The following CRTC2 variants were observed in gnomAD, a reference collection of about 807,000 sequenced individuals.
The protein encoded by CRTC2 is CREB-regulated transcription coactivator 2.
Under a neutral mutation model 70.9 loss-of-function variants are expected in CRTC2, and 25 were observed. The ratio of observed to expected loss-of-function variants is 0.35; its 90% confidence interval spans 0.26 to 0.49. CRTC2 has a LOEUF of 0.49. Among genes scored for constraint, CRTC2 ranks in the 20% least tolerant of loss-of-function variants. CRTC2 has a pLI of 0.98. For synonymous variants in CRTC2, 330 were observed against 364.1 expected, an observed-to-expected ratio of 0.91 and a Z score of 1.07; for missense variants, 737 against 882.6, an observed-to-expected ratio of 0.83 and a Z score of 2.09.
chr1:153,955,046 C>T lies in CRTC2; in HGVS notation c.255+19G>A. On this transcript the variant is annotated intron_variant, in intron 2 of 13. Coordinates refer to ENST00000368633, the MANE Select transcript of CRTC2 (RefSeq NM_181715.3). ...GCAGCCTAAGAAACTCCACTCCTCC[C>T]TGGCTGGGGTCTACTCACCTGGAAC... 6.2e-7 allele frequency: 1 copy of T among 1,613,778 alleles called. No individual in the cohort carries two copies. The highest frequency in any genetic ancestry group is 8.5e-7 in the Non-Finnish European group (1 of 1,179,650).
intron 11 of CRTC2, 51 bp from the exon 12 acceptor site, chr1:153,949,435 A>C: frequency 6.6e-7 from 1 of 1,520,246 alleles, no homozygotes; most frequent in South Asian, 1.3e-5. Context: ...ATACCCCAAG[A>C]ACTCTCAGTC....
chr1:153,954,185 A>G, intron 4 of CRTC2, 70 bp downstream of exon 4: 1 of 1,212,100 alleles, frequency 8.3e-7, no homozygotes, highest in African/African-American at 1.5e-5. Flanking sequence ...GCCCCAACCC[A>G]GAAGGGGCAA....
chr1:153,952,686 G>A (rs1420223581), intron 7 of CRTC2, 51 bp from the exon 8 acceptor site: 3 of 1,609,650 alleles, frequency 1.9e-6, no homozygotes, highest in Non-Finnish European at 2.6e-6. Flanking sequence ...AGCCAGTAAG[G>A]CAGGACAGGA....
intron 10 of CRTC2, 147 bp downstream of exon 10, chr1:153,951,871 G>A (rs1680340604): frequency 1.6e-6 from 2 of 1,220,026 alleles, no homozygotes; most frequent in South Asian, 1.4e-5. Flanking sequence ...ATCACTGGCT[G>A]AGAACTGCCG....
intron 11 of CRTC2, among the ~76,000 whole-genome samples, chr1:153,951,027 T>C (rs1297763141): frequency 2.0e-5 from 3 of 152,202 alleles, no homozygotes; most frequent in Non-Finnish European, 4.4e-5. Flanking sequence ...AGGTGACTGC[T>C]AGTAAGAGGT....
intron 1 of CRTC2, among the ~76,000 whole-genome samples, chr1:153,955,566 C>CAAA (rs767615432): frequency 8.1e-4 from 34 of 41,814 alleles, no homozygotes; most frequent in African/African-American, 1.3e-3. Context: ...GACTCTGTCT[C>CAAA]AAAAAAAAAA....
At chr1:153,958,287 C>G (rs1680745001) in intron 1 of CRTC2, 58 bp downstream of exon 1, 4 of 1,570,476 alleles carry the variant, frequency 2.5e-6, no homozygotes, top group Non-Finnish European at 3.4e-6. Context: ...CCCCGCCTCT[C>G]CGGTCTCCGC....
chr1:153,955,938 T>C (rs927413732), intron 1 of CRTC2, among the ~76,000 whole-genome samples: 3 of 152,170 alleles, frequency 2.0e-5, no homozygotes, highest in African/African-American at 7.2e-5. Flanking sequence ...CCCGGGCTAC[T>C]CACAAGGGGG....
Position 153,952,077 on chromosome 1 carries a change from G to C in CRTC2, c.938C>G (p.Thr313Ser), listed in dbSNP as rs1267752044. Reference protein sequence around the residue: ...GGNSTSNLTHTMTHLGISRGM... With the variant: ...GGNSTSNLTHSMTHLGISRGM... The stretch of plus-strand genomic sequence containing the variant: ...CCTGCTGATGCCCAGGTGAGTCATG[G>C]TGTGGGTCAAATTGGAGGTACTGTT... Residue 313 changes from threonine to serine, a missense_variant, in exon 10 of 14, where the codon ACC (threonine) becomes AGC (serine). By Grantham distance (58) the Thr-to-Ser change is moderately conservative (BLOSUM62 1). Around this residue, in one of 3 missense-constraint regions of CRTC2, gnomAD observed 699 missense variants for 823.7 expected, o/e 0.85. Transcript: ENST00000368633. The C allele has an allele frequency of 3.7e-6, 6 of 1,614,030 alleles. No individual in the cohort carries two copies. Among genetic ancestry groups the C allele is most frequent in the Non-Finnish European group, 5.1e-6 (6 of 1,180,024 alleles).
rs751188904 is a variant in CRTC2, at chr1:153,951,204, CAT to C, written c.1404+54_1404+55del. Reference sequence around the variant, plus strand: ...GGAAAGGAGGGTGGGAGGGAAACAACATGGCAGGAGAAAAGGGAAGGGAGACA... The same window carrying C: ...GGAAAGGAGGGTGGGAGGGAAACAACGGCAGGAGAAAAGGGAAGGGAGACA... On this transcript the variant is annotated intron_variant, in intron 11 of 13. Transcript: ENST00000368633. The C allele has an allele frequency of 3.2e-5, 51 of 1,577,660 alleles. No individual in the cohort carries two copies. In the Middle Eastern group the frequency reaches 5.0e-4, roughly 15 times the overall value.
intron 12 of CRTC2, 185 bp from the exon 13 acceptor site, chr1:153,948,829 C>T (rs1417901937): frequency 2.3e-5 from 18 of 768,304 alleles, no homozygotes; most frequent in South Asian, 8.8e-5. Context: ...GTATGGGCAC[C>T]GTACCTGCTG....
At chr1:153,951,826 C>T in intron 10 of CRTC2, 160 bp from the exon 11 acceptor site, 1 of 1,060,822 alleles carries the variant, frequency 9.4e-7, no homozygotes. Context: ...GACTGCCCTT[C>T]CTCTTCTTTC....
In CRTC2 at chr1:153,952,277, G is replaced by C. The variant is rs1175894016; in HGVS notation, c.753-15C>G. ...ATGGAAAGATGCTAGGGGAAGGAGA[G>C]AAAAAGAAAGATGTAAATAGGAGGG... On this transcript the variant is annotated splice_polypyrimidine_tract_variant and intron_variant, in intron 9 of 13. Coordinates refer to ENST00000368633, the MANE Select transcript of CRTC2 (RefSeq NM_181715.3). 6.3e-7 allele frequency: 1 copy of C among 1,596,728 alleles called. No individual in the cohort carries two copies. The highest frequency in any genetic ancestry group is 1.7e-5 in the Admixed American group (1 of 58,420).
Position 153,948,064 on chromosome 1 carries a change from G to C in CRTC2, c.*45C>G, listed in dbSNP as rs1045967433. On this transcript the variant is annotated 3_prime_UTR_variant, in exon 14 of 14. Transcript: ENST00000368633. Reference sequence around the variant, plus strand: ...CCAGGGGGAAGGGAGGAAAGGAATGGTGGTGGGGGATGGGGCCAAGAAGAG... The same window carrying C: ...CCAGGGGGAAGGGAGGAAAGGAATGCTGGTGGGGGATGGGGCCAAGAAGAG... 2.5e-6 allele frequency: 4 copies of C among 1,573,520 alleles called. No individual in the cohort carries two copies. The highest frequency in any genetic ancestry group is 3.4e-5 in the Admixed American group (2 of 59,474).
chr1:153,949,378 G>A lies in CRTC2; in HGVS notation c.1411C>T (p.Pro471Ser), dbSNP rs1467229295. 1 of 1,606,562 alleles carries A rather than the reference G, an allele frequency of 6.2e-7. No homozygotes were observed. Among genetic ancestry groups the A allele is most frequent in the Non-Finnish European group, 8.5e-7 (1 of 1,176,352 alleles). The change falls in exon 12 of 14, where the codon CCC (proline) becomes TCC (serine). Residue 471 changes from proline (P) to serine (S), a missense_variant. Around this residue, in one of 3 missense-constraint regions of CRTC2, gnomAD observed 699 missense variants for 823.7 expected, o/e 0.85. Transcript: ENST00000368633. ...PTLSSITQGVPLDTSKLSTDQ... is the reference protein window; with the variant it reads ...PTLSSITQGVSLDTSKLSTDQ... ...GTGGACAGTTTACTGGTATCCAGGG[G>A]GACGCCCTGAAAAGAAGTAAAAAGA... is the stretch of plus-strand genomic sequence containing the variant.
At position 153,954,950 on chromosome 1, in the gene CRTC2, G is replaced by A; in HGVS notation, c.295C>T (p.Arg99Trp). The A allele has an allele frequency of 6.2e-7, 1 of 1,614,122 alleles. No individual in the cohort carries two copies. The highest frequency in any genetic ancestry group is 1.1e-5 in the South Asian group (1 of 91,082). The change falls in exon 3 of 14, where the codon CGG becomes TGG. Residue 99 changes from arginine to tryptophan, a missense_variant. Transcript: ENST00000368633. ...ACCCGTTCCACCAGCCCATGGTGCCGAGTGCTCCGAGATGAATCCAAAGGT... is the reference window on the plus strand; with the variant it reads ...ACCCGTTCCACCAGCCCATGGTGCCAAGTGCTCCGAGATGAATCCAAAGGT... ...HSPLDSSRST[R>W]HHGLVERVQR...
rs149775311 is a variant in CRTC2, at chr1:153,955,101, A to G, written c.219T>C (p.Asn73=). The G allele has an allele frequency of 5.9e-5, 96 of 1,614,080 alleles. No individual in the cohort carries two copies. In the African/African-American group the frequency reaches 1.1e-3, roughly 19 times the overall value. ...RSSHYGGSLP[N]VNQIGSGLAE... The stretch of plus-strand genomic sequence containing the variant: ...CCAGGCCAGAGCCAATCTGGTTAAC[A>G]TTGGGCAGAGACCCACCATAATGAG... Residue 73 remains asparagine (N), a synonymous_variant, in exon 2 of 14, where the codon AAT becomes AAC. Transcript: ENST00000368633.
intron 10 of CRTC2, 58 bp from the exon 11 acceptor site, chr1:153,951,724 T>G: frequency 6.3e-7 from 1 of 1,576,294 alleles, no homozygotes; most frequent in Non-Finnish European, 8.6e-7. Flanking sequence ...ACTGAGCCCC[T>G]TTCCACCCAG....
At chr1:153,950,584 A>T (rs574588912) in intron 11 of CRTC2, among the ~76,000 whole-genome samples, 71 of 152,212 alleles carry the variant, frequency 4.7e-4, no homozygotes, top group Non-Finnish European at 7.8e-4. Context: ...AAGGGAGACA[A>T]GGGCTAAGAA....
Sources: allele counts gnomAD v4.1 joint callset (sites outside exome capture counted in the v4.1 genomes callset), GRCh38; gene constraint gnomAD v4.1.1; regional missense constraint gnomAD v4.1.1; transcripts MANE v1.5; gene names NCBI Gene and HGNC (gene_info 2026-07-23, HGNC 2026-07-21).